Variants in TENM3 observed in about 807,000 individuals in gnomAD.
The protein encoded by TENM3 is teneurin transmembrane protein 3, also known as teneurin-3.
Under a neutral mutation model 255.1 loss-of-function variants are expected in TENM3, and 63 were observed. The ratio of observed to expected loss-of-function variants is 0.25; its 90% confidence interval spans 0.20 to 0.30. TENM3 has a LOEUF of 0.30. TENM3 is among the 10% of genes least tolerant of loss of function. The probability of loss-of-function intolerance (pLI) is 1.00; values close to 1 mark genes in which losing one functional copy is unlikely to be tolerated. For synonymous variants in TENM3, 1,306 were observed against 1,322.3 expected, an observed-to-expected ratio of 0.99 and a Z score of 0.27; for missense variants, 2,929 against 3,461.1, an observed-to-expected ratio of 0.85 and a Z score of 3.86.
intron 2 of TENM3, among the ~76,000 whole-genome samples, chr4:182,329,640 T>C (rs1763629317): frequency 6.6e-6 from 1 of 151,952 alleles, no homozygotes; most frequent in South Asian, 2.1e-4. Context: ...TGAACCAAAA[T>C]AAAACATTGT....
At chr4:181,712,777 T>A in the TENM3 span, among the ~76,000 whole-genome samples, 11 of 152,202 alleles carry the variant, frequency 7.2e-5, no homozygotes, top group African/African-American at 7.2e-5. Flanking sequence ...ATTTTAAAAA[T>A]AGAAATTACA....
chr4:182,036,157 AGTT>A, the TENM3 span, among the ~76,000 whole-genome samples: 1 of 151,986 alleles, frequency 6.6e-6, no homozygotes, highest in African/African-American at 2.4e-5. Flanking sequence ...TACAGCACGT[AGTT>A]GTTGTATGTT....
At chr4:181,605,508 AAG>A in the TENM3 span, among the ~76,000 whole-genome samples, 178 of 18,048 alleles carry the variant, frequency 9.9e-3, 21 homozygotes, top group African/African-American at 0.024. Flanking sequence ...GAAAGAAAGA[AAG>A]AAAGAAAGAA....
chr4:181,686,571 A>G, the TENM3 span, among the ~76,000 whole-genome samples: 1 of 152,148 alleles, frequency 6.6e-6, no homozygotes, highest in African/African-American at 2.4e-5. Context: ...ATGGAAATTC[A>G]CAAATAAGTA....
chr4:182,414,164 A>G (rs1770204821), intron 3 of TENM3, among the ~76,000 whole-genome samples: 1 of 152,218 alleles, frequency 6.6e-6, no homozygotes, highest in Admixed American at 6.5e-5. Context: ...GACAGTGGCA[A>G]CTATATAAAA....
chr4:181,894,922 A>C, the TENM3 span, among the ~76,000 whole-genome samples: 344 of 152,228 alleles, frequency 2.3e-3, 2 homozygotes, highest in African/African-American at 8.0e-3. Context: ...AAACATGAAA[A>C]ATATTAGAAA....
the TENM3 span, among the ~76,000 whole-genome samples, chr4:181,587,813 T>G: frequency 6.6e-6 from 1 of 152,190 alleles, no homozygotes; most frequent in Non-Finnish European, 1.5e-5. Flanking sequence ...TAAATAGCAT[T>G]CATTCTTCTA....
intron 16 of TENM3, among the ~76,000 whole-genome samples, chr4:182,731,440 A>G (rs967891623): frequency 6.6e-6 from 1 of 151,542 alleles, no homozygotes; most frequent in Non-Finnish European, 1.5e-5. Context: ...CCCAGGAGGC[A>G]GAGGTTGCAG....
At chr4:182,100,482 C>T in the TENM3 span, among the ~76,000 whole-genome samples, 63,754 of 120,830 alleles carry the variant, frequency 0.53, 16,629 homozygotes, top group Middle Eastern at 0.63. Context: ...CACACACACA[C>T]ATATATATAT....
chr4:182,728,905 G>C, intron 13 of TENM3, 60 bp from the exon 14 acceptor site: 2 of 1,315,274 alleles, frequency 1.5e-6, no homozygotes, highest in East Asian at 2.4e-5. Context: ...AAACAAAACT[G>C]ATTCTACATT....
At chr4:182,426,743 T>A (rs894696996) in intron 3 of TENM3, among the ~76,000 whole-genome samples, 1 of 152,190 alleles carries the variant, frequency 6.6e-6, no homozygotes, top group Non-Finnish European at 1.5e-5. Flanking sequence ...TCCAGCCTGA[T>A]AAGGATTTTT....
chr4:182,239,930 A>G (rs1757134635), upstream of TENM3, among the ~76,000 whole-genome samples: 1 of 152,232 alleles, frequency 6.6e-6, no homozygotes, highest in Non-Finnish European at 1.5e-5. Flanking sequence ...TTGGTTTTCT[A>G]AAATTAAACT....
intron 1 of TENM3, among the ~76,000 whole-genome samples, chr4:182,282,048 A>G (rs1423725687): frequency 1.3e-5 from 2 of 152,206 alleles, no homozygotes; most frequent in Non-Finnish European, 2.9e-5. Context: ...TCGTCATTTT[A>G]AAATTTAATT....
chr4:182,161,145 G>A (rs1307190673), intron 1 of TENM3, among the ~76,000 whole-genome samples: 1 of 147,400 alleles, frequency 6.8e-6, no homozygotes. Context: ...GGCCGGGCGC[G>A]GTGGCTCACG....
At chr4:182,105,632 T>G in the TENM3 span, among the ~76,000 whole-genome samples, 1 of 152,144 alleles carries the variant, frequency 6.6e-6, no homozygotes, top group Admixed American at 6.5e-5. Context: ...TCCCATGGAG[T>G]TAGAGCACAT....
At chr4:181,719,191 C>T in the TENM3 span, among the ~76,000 whole-genome samples, 5 of 147,666 alleles carry the variant, frequency 3.4e-5, no homozygotes, top group East Asian at 1.9e-4. Context: ...CCGGCCTGGG[C>T]GACAGAGCGA....
intron 3 of TENM3, among the ~76,000 whole-genome samples, chr4:182,594,137 A>G (rs1433163524): frequency 1.4e-4 from 21 of 152,102 alleles, no homozygotes; most frequent in Admixed American, 1.2e-3. Context: ...GCAAGAGGTT[A>G]GTTTGTTTTC....
At chr4:182,224,404 T>C (rs1028325805) in intron 1 of TENM3, among the ~76,000 whole-genome samples, 1 of 152,212 alleles carries the variant, frequency 6.6e-6, no homozygotes, top group African/African-American at 2.4e-5. Flanking sequence ...CAGTTGTTTG[T>C]GTACCTTGTA....
chr4:181,552,948 C>A, the TENM3 span, among the ~76,000 whole-genome samples: 1 of 150,942 alleles, frequency 6.6e-6, no homozygotes, highest in Non-Finnish European at 1.5e-5. Flanking sequence ...ACGCACCACA[C>A]ACACACCACA....
Sources: allele counts gnomAD v4.1 joint callset (sites outside exome capture counted in the v4.1 genomes callset), GRCh38; gene constraint gnomAD v4.1.1; transcripts MANE v1.5; gene names NCBI Gene and HGNC (gene_info 2026-07-23, HGNC 2026-07-21).